Variants in DHRSX observed in about 807,000 individuals in gnomAD.
DHRSX encodes the protein dehydrogenase/reductase X-linked.
A neutral mutation model predicts 34.0 loss-of-function variants in DHRSX; 31 were observed. That is an observed-to-expected ratio of 0.91 (90% CI 0.69 to 1.23). The LOEUF (loss-of-function observed/expected upper bound fraction) is 1.23. DHRSX is among the 50% of genes most tolerant of loss of function. The pLI is 0.00. For missense variants in DHRSX, 414 were observed against 428.1 expected, an observed-to-expected ratio of 0.97 and a Z score of 0.29; for synonymous variants, 201 against 183.8, an observed-to-expected ratio of 1.09 and a Z score of -0.76.
At chrX:2,282,588 G>C (rs2041722778) in intron 4 of DHRSX, among the ~76,000 whole-genome samples, 2 of 142,596 alleles carry the variant, frequency 1.4e-5, no homozygotes, top group Admixed American at 1.4e-4. Context: ...GGGAGAGAGA[G>C]AAGAAAGAGG....
At chrX:2,313,918 G>A (rs2042194336) in intron 3 of DHRSX, among the ~76,000 whole-genome samples, 3 of 151,934 alleles carry the variant, frequency 2.0e-5, no homozygotes, top group African/African-American at 7.3e-5. Flanking sequence ...GGGCTGCCAG[G>A]CTATAGGTAA....
At chrX:2,465,048 C>G (rs1482296654) in intron 1 of DHRSX, among the ~76,000 whole-genome samples, 1 of 151,734 alleles carries the variant, frequency 6.6e-6, no homozygotes, top group Admixed American at 6.6e-5. Flanking sequence ...GCACCGAAGA[C>G]GTTCCCTAGG....
chrX:2,262,402 C>T lies in DHRSX; in HGVS notation c.596+4338G>A, dbSNP rs764602106. On this transcript the variant is annotated intron_variant, in intron 5 of 6. Coordinates refer to ENST00000334651, the MANE Select transcript of DHRSX (RefSeq NM_145177.3). ...CGAGCACTCACGCACCTTATCTGTG[C>T]ACACTGGCACGCACCTCACCTGTGT... Among the ~76,000 whole-genome samples the T allele has an allele frequency of 1.1e-4, 16 of 152,286 alleles. No homozygotes were observed. In the South Asian group the frequency reaches 2.1e-3, roughly 20 times the overall value.
chrX:2,444,633 C>T (rs887207179), intron 1 of DHRSX, among the ~76,000 whole-genome samples: 6 of 152,034 alleles, frequency 3.9e-5, no homozygotes, highest in South Asian at 4.1e-4. Flanking sequence ...GAGTTCCAGA[C>T]GAACCTGGGA....
intron 1 of DHRSX, among the ~76,000 whole-genome samples, chrX:2,431,917 A>G (rs1870438368): frequency 6.6e-6 from 1 of 152,216 alleles, no homozygotes; most frequent in Admixed American, 6.5e-5. Flanking sequence ...TTGAGGCCAG[A>G]TGCGGTGGCT....
intron 6 of DHRSX, among the ~76,000 whole-genome samples, chrX:2,239,488 G>A (rs1420685143): frequency 1.3e-5 from 2 of 152,032 alleles, no homozygotes; most frequent in Middle Eastern, 6.3e-3. Flanking sequence ...CGGGCGTGGT[G>A]GCTCACGCCT....
At chrX:2,331,443 T>G (rs1413354584) in intron 3 of DHRSX, among the ~76,000 whole-genome samples, 56 of 68,944 alleles carry the variant, frequency 8.1e-4, no homozygotes, top group African/African-American at 1.3e-3. Flanking sequence ...TTGGTTTTTT[T>G]TTTTTTTTTT....
At chrX:2,407,917 C>T (rs576399432) in intron 3 of DHRSX, among the ~76,000 whole-genome samples, 2 of 151,968 alleles carry the variant, frequency 1.3e-5, no homozygotes, top group Non-Finnish European at 2.9e-5. Flanking sequence ...ACTTGCACTC[C>T]CTACCTGTAT....
intron 2 of DHRSX, among the ~76,000 whole-genome samples, chrX:2,419,222 T>C (rs2043739354): frequency 6.6e-6 from 1 of 152,112 alleles, no homozygotes; most frequent in Admixed American, 6.6e-5. Context: ...TGAATGGAAT[T>C]AGTACCCTTA....
chrX:2,311,752 T>C (rs1256726532), intron 3 of DHRSX, among the ~76,000 whole-genome samples: 1 of 152,152 alleles, frequency 6.6e-6, no homozygotes, highest in Non-Finnish European at 1.5e-5. Flanking sequence ...GGGAATGCGT[T>C]GAAACCATTA....
intron 3 of DHRSX, among the ~76,000 whole-genome samples, chrX:2,397,571 CAA>C (rs34214122): frequency 8.1e-5 from 12 of 147,692 alleles, no homozygotes; most frequent in African/African-American, 2.5e-4. Flanking sequence ...CATTCACAGA[CAA>C]AAAAAAAAAC....
intron 3 of DHRSX, among the ~76,000 whole-genome samples, chrX:2,356,703 A>G (rs572777666): frequency 6.6e-6 from 1 of 152,086 alleles, no homozygotes; most frequent in South Asian, 2.1e-4. Context: ...AGCCTCCTCC[A>G]TGTGAAGATG....
At chrX:2,386,156 A>ATTAT (rs768572407) in intron 3 of DHRSX, among the ~76,000 whole-genome samples, 45,587 of 143,628 alleles carry the variant, frequency 0.32, 7,655 homozygotes, top group East Asian at 0.52. Context: ...TAGATAATCA[A>ATTAT]TTATTTATTT....
intron 1 of DHRSX, among the ~76,000 whole-genome samples, chrX:2,462,562 C>T (rs1244388083): frequency 5.9e-5 from 9 of 151,918 alleles, no homozygotes; most frequent in Non-Finnish European, 1.0e-4. Flanking sequence ...TAGATAGTAT[C>T]GGACATGCTG....
Position 2,389,544 on chromosome X carries a change from CGT to C in DHRSX, c.286+19199_286+19200del. ...GGCTGTGTGCTTGGCGTGCTGGACACGTGTGTCACAGTCTTTCTTGACCTAAA... is the reference window on the plus strand; with the variant it reads ...GGCTGTGTGCTTGGCGTGCTGGACACGTGTCACAGTCTTTCTTGACCTAAA... On this transcript the variant is annotated intron_variant, in intron 3 of 6. Transcript: ENST00000334651. Among the ~76,000 whole-genome samples the C allele has an allele frequency of 2.0e-5, 3 of 152,230 alleles. No individual in the cohort carries two copies. In the Middle Eastern group the frequency reaches 0.01, roughly 518 times the overall value.
chrX:2,436,352 C>T (rs1051614056), intron 1 of DHRSX, among the ~76,000 whole-genome samples: 3 of 151,814 alleles, frequency 2.0e-5, no homozygotes, highest in Non-Finnish European at 4.4e-5. Flanking sequence ...GTTTTGTCTA[C>T]TGTCATGAGC....
chrX:2,468,193 T>C (rs1239630162), intron 1 of DHRSX, among the ~76,000 whole-genome samples: 5 of 152,064 alleles, frequency 3.3e-5, no homozygotes, highest in Non-Finnish European at 7.4e-5. Context: ...CTGATCTGGG[T>C]GGGCTGGGGA....
intron 1 of DHRSX, among the ~76,000 whole-genome samples, chrX:2,447,754 A>C (rs1439352678): frequency 1.5e-5 from 2 of 135,358 alleles, no homozygotes; most frequent in Non-Finnish European, 3.2e-5. Flanking sequence ...TGGAAAATAC[A>C]ATGTGAAGTG....
chrX:2,445,462 T>C (rs1244312737), intron 1 of DHRSX, among the ~76,000 whole-genome samples: 1 of 152,184 alleles, frequency 6.6e-6, no homozygotes, highest in Admixed American at 6.5e-5. Context: ...ATTACTGTAT[T>C]TTTTTAAAGA....
Sources: allele counts gnomAD v4.1 joint callset (sites outside exome capture counted in the v4.1 genomes callset), GRCh38; gene constraint gnomAD v4.1.1; transcripts MANE v1.5; gene names NCBI Gene and HGNC (gene_info 2026-07-23, HGNC 2026-07-21).